DLGAP4: variants seen among roughly 807,000 people sequenced by gnomAD.
The protein encoded by DLGAP4 is disks large-associated protein 4.
Under a neutral mutation model 86.9 loss-of-function variants are expected in DLGAP4, and 18 were observed. That is an observed-to-expected ratio of 0.21 (90% confidence interval 0.14 to 0.31). The LOEUF (loss-of-function observed/expected upper bound fraction) is 0.31. DLGAP4 is among the 10% of genes least tolerant of loss of function. The pLI, the probability that DLGAP4 is intolerant of heterozygous loss-of-function variation, is 1.00. For synonymous variants in DLGAP4, 548 were observed against 574.3 expected, an observed-to-expected ratio of 0.95 and a Z score of 0.65; for missense variants, 1,085 against 1,362.6, an observed-to-expected ratio of 0.80 and a Z score of 3.21.
chr20:36,396,436 AC>A (rs1187509421), intron 2 of DLGAP4, among the ~76,000 whole-genome samples: 6 of 29,500 alleles, frequency 2.0e-4, no homozygotes, highest in African/African-American at 3.8e-4. Flanking sequence ...ACATACACAC[AC>A]CCACACACAC....
At chr20:36,382,503 TTTTC>T (rs757834890) in intron 2 of DLGAP4, among the ~76,000 whole-genome samples, 48 of 151,198 alleles carry the variant, frequency 3.2e-4, no homozygotes, top group Non-Finnish European at 5.9e-4. Flanking sequence ...TTTCTCTTTC[TTTTC>T]TTTCTTTCTT....
intron 1 of DLGAP4, among the ~76,000 whole-genome samples, chr20:36,338,992 C>T (rs1186455169): frequency 6.6e-6 from 1 of 152,178 alleles, no homozygotes; most frequent in Non-Finnish European, 1.5e-5. Context: ...CTGAGAGGGG[C>T]TGGGGACTCA....
chr20:36,523,254 C>A (rs1338890165), intron 10 of DLGAP4, among the ~76,000 whole-genome samples: 1 of 152,114 alleles, frequency 6.6e-6, no homozygotes, highest in South Asian at 2.1e-4. Flanking sequence ...TCCTGCCTCC[C>A]TAAGTGCTGG....
intron 2 of DLGAP4, among the ~76,000 whole-genome samples, chr20:36,406,397 CAAA>C (rs72014350): frequency 2.7e-5 from 3 of 110,124 alleles, no homozygotes; most frequent in African/African-American, 7.1e-5. Flanking sequence ...GACTCCACCT[CAAA>C]AAAAAAAAAA....
At chr20:36,491,210 G>A (rs1600641941) in intron 7 of DLGAP4, among the ~76,000 whole-genome samples, 2 of 151,496 alleles carry the variant, frequency 1.3e-5, no homozygotes, top group Non-Finnish European at 2.9e-5. Context: ...AAAAAATGCA[G>A]AAACAAATTC....
At chr20:36,522,854 C>CT (rs1330454061) in intron 10 of DLGAP4, among the ~76,000 whole-genome samples, 3 of 151,478 alleles carry the variant, frequency 2.0e-5, no homozygotes, top group Non-Finnish European at 4.4e-5. Context: ...ATGCCAGCAC[C>CT]TTTTGTGTGT....
At chr20:36,504,892 G>A (rs1359701855) in intron 10 of DLGAP4, among the ~76,000 whole-genome samples, 1 of 152,058 alleles carries the variant, frequency 6.6e-6, no homozygotes, top group Non-Finnish European at 1.5e-5. Context: ...TATTATGGGT[G>A]CTAGACCCTC....
At chr20:36,364,173 G>A (rs905042673) in intron 1 of DLGAP4, among the ~76,000 whole-genome samples, 1 of 152,186 alleles carries the variant, frequency 6.6e-6, no homozygotes, top group Admixed American at 6.5e-5. Context: ...CTATTCAGGA[G>A]GCCAAAGTGG....
At chr20:36,355,783 A>G (rs187599683) in intron 1 of DLGAP4, among the ~76,000 whole-genome samples, 1 of 152,304 alleles carries the variant, frequency 6.6e-6, no homozygotes, top group Admixed American at 6.5e-5. Flanking sequence ...ATTCACGTAC[A>G]AGTCTTCATG....
chr20:36,366,650 G>GA (rs1305788981), intron 1 of DLGAP4, among the ~76,000 whole-genome samples: 1 of 152,212 alleles, frequency 6.6e-6, no homozygotes, highest in Non-Finnish European at 1.5e-5. Context: ...CCGCATGTGA[G>GA]AGGCTGAGCT....
At chr20:36,462,502 C>G in intron 7 of DLGAP4, 1 of 1,599,342 alleles carries the variant, frequency 6.3e-7, no homozygotes, top group South Asian at 1.1e-5. Context: ...TCTCTCTGCT[C>G]CTTGTCTCCC....
rs141530895 is a variant in DLGAP4, at chr20:36,356,602, C to T, written c.-303-10443C>T. Among the ~76,000 whole-genome samples the T allele has an allele frequency of 1.5e-4, 22 of 151,634 alleles. No homozygotes were observed. The East Asian group carries it at 2.7e-3, about 19-fold the overall frequency. The stretch of plus-strand genomic sequence containing the variant: ...CTGGGATTACAGGGGTGAGCCACCG[C>T]GCCTGGCCCGTTGTTGTTTTTGTTT... On this transcript the variant is annotated intron_variant, in intron 1 of 12. Transcript: ENST00000339266.
intron 7 of DLGAP4, among the ~76,000 whole-genome samples, chr20:36,454,428 T>G (rs1600553206): frequency 6.6e-6 from 1 of 151,078 alleles, no homozygotes; most frequent in South Asian, 2.1e-4. Flanking sequence ...GGTGAATGGC[T>G]CCCCCCGATA....
chr20:36,462,531 T>C lies in DLGAP4; in HGVS notation c.1648+15594T>C, dbSNP rs773111117. 4 of 1,602,248 alleles carry C rather than the reference T, an allele frequency of 2.5e-6. No homozygotes were observed. The South Asian group carries it at 4.5e-5, about 18-fold the overall frequency. ...GTCTCCCTCTCCCTTTTTCTGTCTT[T>C]GCCGGGTCTCTGGGTCTCTGACCCC... On this transcript the variant is annotated intron_variant, in intron 7 of 12. Transcript: ENST00000339266.
At chr20:36,481,297 C>G (rs564639199) in intron 7 of DLGAP4, among the ~76,000 whole-genome samples, 39 of 152,182 alleles carry the variant, frequency 2.6e-4, no homozygotes, top group African/African-American at 9.1e-4. Context: ...TCCTTTTCCC[C>G]TCTGATTGTA....
At chr20:36,338,471 C>T (rs1323882578) in intron 1 of DLGAP4, among the ~76,000 whole-genome samples, 1 of 152,186 alleles carries the variant, frequency 6.6e-6, no homozygotes, top group Non-Finnish European at 1.5e-5. Flanking sequence ...ACTCGGGAGG[C>T]TGATGCAGGA....
chr20:36,441,691 G>A (rs537703541), intron 5 of DLGAP4, among the ~76,000 whole-genome samples: 3 of 152,158 alleles, frequency 2.0e-5, no homozygotes, highest in East Asian at 1.9e-4. Context: ...ATCCCACCAC[G>A]TTTTCTCGTC....
intron 2 of DLGAP4, among the ~76,000 whole-genome samples, chr20:36,377,887 T>G (rs2031220413): frequency 6.6e-6 from 1 of 152,230 alleles, no homozygotes; most frequent in African/African-American, 2.4e-5. Context: ...GCAGATAAAT[T>G]TGGCCCAGGC....
Position 36,432,956 on chromosome 20 carries a change from T to C in DLGAP4, c.999+240T>C, listed in dbSNP as rs1416463598. ...AGCCCTGAGCAGGGACTAAAATATG[T>C]TCCTGCCCTTTAGAAGACAAATCTG... On this transcript the variant is annotated intron_variant, in intron 3 of 12. Transcript: ENST00000339266. This position sits in a 1 kb window ranked among gnomAD's most constrained non-coding sequence, Gnocchi z 6.5. Among the ~76,000 whole-genome samples, 1 of 152,152 alleles carries C rather than the reference T, an allele frequency of 6.6e-6. No homozygotes were observed. The highest frequency in any genetic ancestry group is 1.5e-5 in the Non-Finnish European group (1 of 68,026).
Sources: gnomAD v4.1 joint callset for allele counts (sites outside exome capture counted in the v4.1 genomes callset) on GRCh38, gnomAD v4.1.1 for gene constraint, Gnocchi (gnomAD v3.1) non-coding constraint, MANE v1.5 for transcripts, NCBI Gene and HGNC (gene_info 2026-07-23, HGNC 2026-07-21) for gene names.